Variants in KCNE1 observed in about 807,000 individuals in gnomAD.
KCNE1 encodes potassium voltage-gated channel subfamily E regulatory subunit 1, also known as potassium voltage-gated channel subfamily E member 1.
In KCNE1, 1 loss-of-function variant was observed where a neutral mutation model predicts 2.9. The ratio of observed to expected loss-of-function variants is 0.34; its 90% confidence interval spans 0.12 to 1.62. The LOEUF (loss-of-function observed/expected upper bound fraction) is 1.62. Among genes scored for constraint, KCNE1 ranks in the 40% most tolerant of loss-of-function variants. The probability of loss-of-function intolerance (pLI) is 0.36; values close to 1 mark genes in which losing one functional copy is unlikely to be tolerated. For missense variants in KCNE1, 45 were observed against 150.5 expected (o/e 0.30, Z 3.67); for synonymous variants, 23 against 65.4 (o/e 0.35, Z 3.13).
intron 2 of KCNE1, among the ~76,000 whole-genome samples, chr21:34,497,553 G>T (rs547904852): frequency 5.3e-5 from 8 of 152,298 alleles, no homozygotes; most frequent in Admixed American, 2.0e-4. Flanking sequence ...GAAATCTGCT[G>T]TTAATCTGAT....
At chr21:34,507,575 G>T (rs943471647) in intron 2 of KCNE1, among the ~76,000 whole-genome samples, 1 of 152,148 alleles carries the variant, frequency 6.6e-6, no homozygotes, top group African/African-American at 2.4e-5. Context: ...ATCTTTCCTG[G>T]GGGATTAAAT....
intron 2 of KCNE1, among the ~76,000 whole-genome samples, chr21:34,498,050 T>C (rs1398656210): frequency 1.3e-5 from 2 of 152,242 alleles, no homozygotes; most frequent in Non-Finnish European, 2.9e-5. Flanking sequence ...GTTTTTTCTT[T>C]ATGATATCTA....
intron 2 of KCNE1, among the ~76,000 whole-genome samples, chr21:34,506,525 T>C (rs1983497736): frequency 6.6e-6 from 1 of 152,102 alleles, no homozygotes; most frequent in African/African-American, 2.4e-5. Flanking sequence ...TTAGGTTCCA[T>C]TACCTAAGGG....
rs1210004241 is a variant in KCNE1, at chr21:34,495,667, A to G, written c.-162+15434T>C. 3.3e-5 allele frequency among the ~76,000 whole-genome samples: 5 copies of G among 150,242 alleles called. No homozygotes were observed. The East Asian group carries it at 9.8e-4, about 29-fold the overall frequency. ...TACATTTTCTAGTTTGTGTGTGTAA[A>G]GGTATTCATAGTAGCCTTGCATGAT... On this transcript the variant is annotated intron_variant, in intron 2 of 3. Coordinates refer to ENST00000399286, the MANE Select transcript of KCNE1 (RefSeq NM_000219.6).
At chr21:34,505,004 A>G (rs1039504712) in intron 2 of KCNE1, among the ~76,000 whole-genome samples, 4 of 152,360 alleles carry the variant, frequency 2.6e-5, no homozygotes, top group African/African-American at 9.6e-5. Context: ...ATGGTTGCAC[A>G]TATCTGTGAA....
intron 2 of KCNE1, among the ~76,000 whole-genome samples, chr21:34,499,513 C>T (rs1983032686): frequency 2.6e-5 from 4 of 152,258 alleles, no homozygotes; most frequent in Admixed American, 2.6e-4. Flanking sequence ...GCTAATTCTA[C>T]TGGCTGCCTC....
At chr21:34,498,881 A>G (rs1280803582) in intron 2 of KCNE1, among the ~76,000 whole-genome samples, 1 of 152,218 alleles carries the variant, frequency 6.6e-6, no homozygotes, top group Non-Finnish European at 1.5e-5. Context: ...GTAGTAGTAG[A>G]GGGATCTAAG....
intron 2 of KCNE1, among the ~76,000 whole-genome samples, chr21:34,500,513 A>G (rs1052019207): frequency 2.6e-5 from 4 of 152,194 alleles, no homozygotes; most frequent in East Asian, 1.9e-4. Flanking sequence ...TATGTTTTGC[A>G]TAATGTAAAA....
chr21:34,496,632 C>A (rs1982828141), intron 2 of KCNE1, among the ~76,000 whole-genome samples: 1 of 152,144 alleles, frequency 6.6e-6, no homozygotes, highest in Non-Finnish European at 1.5e-5. Context: ...AATGTTTATT[C>A]TGCAGTTGTT....
intron 2 of KCNE1, among the ~76,000 whole-genome samples, chr21:34,505,819 G>A (rs986680107): frequency 3.3e-5 from 5 of 152,152 alleles, no homozygotes; most frequent in African/African-American, 1.2e-4. Context: ...TAGCTCAAAC[G>A]AGGCCAGACT....
At chr21:34,503,482 A>G (rs1197838712) in intron 2 of KCNE1, among the ~76,000 whole-genome samples, 1 of 152,136 alleles carries the variant, frequency 6.6e-6, no homozygotes, top group South Asian at 2.1e-4. Context: ...TGACTACATC[A>G]TGGGCCATTG....
intron 2 of KCNE1, among the ~76,000 whole-genome samples, chr21:34,505,398 G>A (rs1206456388): frequency 2.0e-5 from 3 of 151,858 alleles, no homozygotes; most frequent in African/African-American, 4.8e-5. Context: ...GCCTCCCAAA[G>A]AACTGAGATT....
In KCNE1 at chr21:34,510,235, T is replaced by C. The variant is rs113382778; in HGVS notation, c.-162+866A>G. On this transcript the variant is annotated intron_variant, in intron 2 of 3. Transcript: ENST00000399286. ...TTCCCACCAATCCCATCCCCTCCAG[T>C]CCAGGGGGCACACACTCCAGCAGGA... 7.8e-3 allele frequency: 1,196 copies of C among 152,588 alleles called. 19 individuals carry two copies. Among genetic ancestry groups the C allele is most frequent in the African/African-American group, 0.027 (1,126 of 41,466 alleles). 9.5% of individuals were successfully genotyped at this position (152,588 alleles called of 1,614,324 possible).
At chr21:34,500,714 C>CA (rs1325341212) in intron 2 of KCNE1, among the ~76,000 whole-genome samples, 1 of 151,976 alleles carries the variant, frequency 6.6e-6, no homozygotes, top group Non-Finnish European at 1.5e-5. Flanking sequence ...TCTTATTTTT[C>CA]AAAAAATAAC....
chr21:34,509,950 C>T (rs1983740606), intron 2 of KCNE1: 1 of 152,224 alleles, frequency 6.6e-6, no homozygotes, highest in Non-Finnish European at 1.5e-5. Context: ...GTCTGTCAAT[C>T]ATCCTTCTTG....
chr21:34,499,348 T>G (rs74503860), intron 2 of KCNE1, among the ~76,000 whole-genome samples: 192 of 152,366 alleles, frequency 1.3e-3, no homozygotes, highest in Non-Finnish European at 2.5e-3. Context: ...CTTTCGGGCC[T>G]TGCCCTTCCC....
intron 2 of KCNE1, among the ~76,000 whole-genome samples, chr21:34,495,893 T>C (rs1008234966): frequency 6.6e-6 from 1 of 152,176 alleles, no homozygotes; most frequent in Admixed American, 6.5e-5. Context: ...TCTGCTATGA[T>C]CTTTGTTATT....
intron 2 of KCNE1, among the ~76,000 whole-genome samples, chr21:34,504,822 A>G (rs991645640): frequency 6.6e-6 from 1 of 152,224 alleles, no homozygotes; most frequent in Non-Finnish European, 1.5e-5. Flanking sequence ...TATGTGATTC[A>G]TTCATATGAA....
At chr21:34,496,512 G>T (rs189055541) in intron 2 of KCNE1, among the ~76,000 whole-genome samples, 1 of 152,174 alleles carries the variant, frequency 6.6e-6, no homozygotes, top group Non-Finnish European at 1.5e-5. Context: ...TATTCCACAC[G>T]GTCTGAAAGG....
Sources: gnomAD v4.1 joint callset for allele counts (sites outside exome capture counted in the v4.1 genomes callset) on GRCh38, gnomAD v4.1.1 for gene constraint, MANE v1.5 for transcripts, NCBI Gene and HGNC (gene_info 2026-07-23, HGNC 2026-07-21) for gene names.